The following MCTP1 variants were observed in gnomAD, a reference collection of about 807,000 sequenced individuals.
The protein encoded by MCTP1 is multiple C2 and transmembrane domain-containing protein 1.
MCTP1 carries 69 observed loss-of-function variants against 120.6 expected under a neutral mutation model. The ratio of observed to expected loss-of-function variants is 0.57; its 90% CI spans 0.47 to 0.70. MCTP1 has a LOEUF of 0.70. MCTP1 is among the 30% of genes least tolerant of loss of function. MCTP1 has a pLI of 0.00. For synonymous variants in MCTP1, 529 were observed against 493.1 expected, an observed-to-expected ratio of 1.07 and a Z score of -0.96; for missense variants, 1,203 against 1,248.8, an observed-to-expected ratio of 0.96 and a Z score of 0.55.
Position 94,960,334 on chromosome 5 carries a change from C to CTAT in MCTP1, c.839-6974_839-6973insATA, listed in dbSNP as rs1415197418. Among the ~76,000 whole-genome samples the CTAT allele has an allele frequency of 2.0e-5, 3 of 152,268 alleles. No individual in the cohort carries two copies. The East Asian group carries it at 5.8e-4, about 29-fold the overall frequency. ...TAAAAACCCTAGAAGAAAACCTAGG[C>CTAT]AATACCATTCAAGACATAGGCATGG... On this transcript the variant is annotated intron_variant, in intron 2 of 22. Transcript: ENST00000515393.
At chr5:94,894,860 C>T in intron 10 of MCTP1, 25 bp from the exon 11 acceptor site, 1 of 1,350,580 alleles carries the variant, frequency 7.4e-7, no homozygotes, top group Non-Finnish European at 9.8e-7. Context: ...TTTGAATCAG[C>T]AAGTGGCTTT....
intron 1 of MCTP1, among the ~76,000 whole-genome samples, chr5:95,074,438 A>G (rs1351796194): frequency 6.6e-6 from 1 of 152,250 alleles, no homozygotes; most frequent in African/African-American, 2.4e-5. Context: ...ATTAATAGTT[A>G]TAGAGTATTG....
At chr5:94,858,037 T>C (rs1470786350) in intron 17 of MCTP1, among the ~76,000 whole-genome samples, 1 of 151,744 alleles carries the variant, frequency 6.6e-6, no homozygotes, top group African/African-American at 2.4e-5. Flanking sequence ...CACTTTTTCC[T>C]GGCATTTATT....
At chr5:94,947,577 T>TATATATATATATATATATATATATAGAG in intron 3 of MCTP1, among the ~76,000 whole-genome samples, 9 of 47,380 alleles carry the variant, frequency 1.9e-4, no homozygotes, top group East Asian at 4.4e-4. Context: ...TATATATATA[T>TATATATATATATATATATATATATAGAG]AGAGAGAGAG....
At chr5:94,848,448 G>A (rs1316915652) in intron 17 of MCTP1, among the ~76,000 whole-genome samples, 2 of 151,728 alleles carry the variant, frequency 1.3e-5, no homozygotes, top group Admixed American at 1.3e-4. Flanking sequence ...AATATTTGTT[G>A]TGAGCCAGCT....
intron 1 of MCTP1, among the ~76,000 whole-genome samples, chr5:95,019,019 C>G (rs1445658579): frequency 6.6e-6 from 1 of 152,008 alleles, no homozygotes; most frequent in Admixed American, 6.6e-5. Context: ...TTTCAGTTTT[C>G]ACTAGTTTTA....
chr5:95,156,654 C>T (rs1268272385), intron 1 of MCTP1, among the ~76,000 whole-genome samples: 1 of 152,180 alleles, frequency 6.6e-6, no homozygotes, highest in Non-Finnish European at 1.5e-5. Context: ...GATGAAATGA[C>T]TCACTGAAGA....
intron 1 of MCTP1, among the ~76,000 whole-genome samples, chr5:95,043,592 C>T (rs542434205): frequency 1.3e-5 from 2 of 152,212 alleles, no homozygotes; most frequent in African/African-American, 4.8e-5. Context: ...TGAAAACTCA[C>T]ACCTTTAACA....
At chr5:94,807,846 T>G (rs1393073429) in intron 17 of MCTP1, among the ~76,000 whole-genome samples, 1 of 152,188 alleles carries the variant, frequency 6.6e-6, no homozygotes, top group Non-Finnish European at 1.5e-5. Flanking sequence ...TGTCTGTTTC[T>G]CATATAGATA....
chr5:94,922,154 C>A (rs986711359), intron 7 of MCTP1, among the ~76,000 whole-genome samples: 2 of 152,122 alleles, frequency 1.3e-5, no homozygotes, highest in Non-Finnish European at 2.9e-5. Flanking sequence ...TACCATCACA[C>A]CGTGGATACA....
chr5:95,081,740 T>C, intron 1 of MCTP1: 3 of 1,230,110 alleles, frequency 2.4e-6, no homozygotes, highest in Non-Finnish European at 3.1e-6. Flanking sequence ...AGTTTCCCAT[T>C]GCAAAACTGT....
At chr5:95,043,332 A>C (rs735989) in intron 1 of MCTP1, among the ~76,000 whole-genome samples, 94,711 of 151,860 alleles carry the variant, frequency 0.62, 31,798 homozygotes, top group Non-Finnish European at 0.75. Context: ...CTCCTTTTGC[A>C]CTGATCCTCT....
intron 1 of MCTP1, among the ~76,000 whole-genome samples, chr5:95,123,021 G>C (rs557676872): frequency 2.0e-5 from 3 of 152,218 alleles, no homozygotes; most frequent in African/African-American, 7.2e-5. Context: ...TGGTTAATGG[G>C]TTCAAAAATA....
chr5:95,211,437 A>C (rs1323359255), intron 1 of MCTP1, among the ~76,000 whole-genome samples: 2 of 151,908 alleles, frequency 1.3e-5, no homozygotes, highest in Admixed American at 1.3e-4. Context: ...ATCTTCCATC[A>C]CTGATACCCT....
intron 17 of MCTP1, among the ~76,000 whole-genome samples, chr5:94,853,102 T>A (rs193028796): frequency 6.6e-6 from 1 of 152,126 alleles, no homozygotes; most frequent in Admixed American, 6.6e-5. Context: ...TTTGATTTTA[T>A]CATTTATGTT....
At chr5:95,235,041 A>G (rs1257472805) in intron 1 of MCTP1, among the ~76,000 whole-genome samples, 1 of 152,096 alleles carries the variant, frequency 6.6e-6, no homozygotes, top group Non-Finnish European at 1.5e-5. Flanking sequence ...ATAGACCAAT[A>G]TAGCTCATGA....
At chr5:95,178,936 GATAT>G (rs1748313884) in intron 1 of MCTP1, among the ~76,000 whole-genome samples, 1 of 152,110 alleles carries the variant, frequency 6.6e-6, no homozygotes, top group Middle Eastern at 3.4e-3. Flanking sequence ...CATGATACAC[GATAT>G]GAGAGGAAAA....
chr5:95,077,541 C>G (rs565531745), intron 1 of MCTP1, among the ~76,000 whole-genome samples: 2 of 151,770 alleles, frequency 1.3e-5, no homozygotes, highest in Non-Finnish European at 2.9e-5. Flanking sequence ...GGCGCAATCT[C>G]GGCTCACTGC....
chr5:95,074,597 A>G (rs1313422837), intron 1 of MCTP1, among the ~76,000 whole-genome samples: 1 of 152,164 alleles, frequency 6.6e-6, no homozygotes, highest in Non-Finnish European at 1.5e-5. Context: ...AACCAATCTT[A>G]GGTGTGCACA....
Sources: gnomAD v4.1 joint callset for allele counts (sites outside exome capture counted in the v4.1 genomes callset) on GRCh38, gnomAD v4.1.1 for gene constraint, MANE v1.5 for transcripts, NCBI Gene and HGNC (gene_info 2026-07-23, HGNC 2026-07-21) for gene names.